The following TANGO2 variants were observed in gnomAD, a reference collection of about 807,000 sequenced individuals.
TANGO2 encodes the protein transport and golgi organization 2 homolog, also known as transport and Golgi organization protein 2 homolog.
Under a neutral mutation model 39.1 loss-of-function variants are expected in TANGO2, and 26 were observed. The ratio of observed to expected loss-of-function variants is 0.67; its 90% CI spans 0.49 to 0.92. The LOEUF is 0.92. TANGO2 is among the 40% of genes least tolerant of loss of function. TANGO2 has a pLI of 0.00. For missense variants in TANGO2, 326 were observed against 360.1 expected, an observed-to-expected ratio of 0.91 and a Z score of 0.77; for synonymous variants, 131 against 144.5, an observed-to-expected ratio of 0.91 and a Z score of 0.67.
At chr22:20,034,209 A>AACAAC (rs371787702) in intron 1 of TANGO2, among the ~76,000 whole-genome samples, 7 of 149,922 alleles carry the variant, frequency 4.7e-5, no homozygotes, top group South Asian at 2.1e-4. Context: ...ACAACAACAA[A>AACAAC]AAAAAACCGA....
chr22:20,057,003 G>A lies in TANGO2; in HGVS notation c.451+990G>A, dbSNP rs1308648887. On this transcript the variant is annotated intron_variant, in intron 6 of 8. Transcript: ENST00000327374. The surrounding 1 kb of genome is among the most constrained non-coding windows in gnomAD (Gnocchi z 4.1). ...TGTGAGGGGGCTCCCTCACACCCCT[G>A]GCTCCTCTGAAGCTCCATGCCCACG... The A allele has an allele frequency of 2.2e-6, 1 of 453,686 alleles. No homozygotes were observed. 28.1% of individuals were successfully genotyped at this position (453,686 alleles called of 1,614,324 possible).
chr22:20,040,225 C>G (rs1328204117), intron 2 of TANGO2, among the ~76,000 whole-genome samples: 1 of 152,220 alleles, frequency 6.6e-6, no homozygotes, highest in Admixed American at 6.5e-5. Flanking sequence ...CAAAAATAAC[C>G]TGGCAATTAA....
chr22:20,037,788 G>T (rs9617858), intron 2 of TANGO2, among the ~76,000 whole-genome samples: 6,739 of 152,256 alleles, frequency 0.044, 495 homozygotes, highest in African/African-American at 0.15. Flanking sequence ...GCTAGTGAGT[G>T]AACAGAACTC....
At chr22:20,023,440 G>A (rs760022314) in intron 1 of TANGO2, among the ~76,000 whole-genome samples, 14 of 152,210 alleles carry the variant, frequency 9.2e-5, no homozygotes, top group East Asian at 1.9e-4. Context: ...GTCTGCTCAC[G>A]ATGCCTCTTG....
At chr22:20,063,716 C>T in intron 8 of TANGO2, 1 of 395,436 alleles carries the variant, frequency 2.5e-6, no homozygotes, top group Admixed American at 4.3e-5. Context: ...TCCCTGCGGG[C>T]AAACGCCCCG....
intron 3 of TANGO2, among the ~76,000 whole-genome samples, chr22:20,052,030 G>A (rs780001321): frequency 2.6e-5 from 4 of 152,178 alleles, no homozygotes; most frequent in Non-Finnish European, 5.9e-5. Context: ...GGGGGTGAAG[G>A]TCCTGGTTGT....
intron 7 of TANGO2, chr22:20,063,027 C>G (rs1475408276): frequency 3.1e-6 from 1 of 321,212 alleles, no homozygotes; most frequent in African/African-American, 2.1e-5. Flanking sequence ...AGCCCCGATG[C>G]TAGCTACAAT....
chr22:20,039,264 A>G (rs146556587), intron 2 of TANGO2, among the ~76,000 whole-genome samples: 127 of 151,978 alleles, frequency 8.4e-4, no homozygotes, highest in African/African-American at 2.9e-3. Context: ...TTTGATACCC[A>G]TCACGGAAAA....
chr22:20,038,159 G>A (rs898144337), intron 2 of TANGO2, among the ~76,000 whole-genome samples: 13 of 152,308 alleles, frequency 8.5e-5, no homozygotes, highest in Admixed American at 7.2e-4. Flanking sequence ...ACTCAGATAC[G>A]CACAGGGGAA....
chr22:20,045,798 C>T (rs2045064620), intron 3 of TANGO2, among the ~76,000 whole-genome samples: 1 of 152,092 alleles, frequency 6.6e-6, no homozygotes, highest in South Asian at 2.1e-4. Flanking sequence ...CCATTGCACC[C>T]AGCGGCCATT....
intron 1 of TANGO2, among the ~76,000 whole-genome samples, chr22:20,034,209 A>AAC (rs371787702): frequency 0.39 from 58,089 of 149,956 alleles, 11,434 homozygotes; most frequent in African/African-American, 0.49. Context: ...ACAACAACAA[A>AAC]AAAAAACCGA....
At chr22:20,051,353 G>C (rs2046317820) in intron 3 of TANGO2, among the ~76,000 whole-genome samples, 1 of 150,716 alleles carries the variant, frequency 6.6e-6, no homozygotes, top group Non-Finnish European at 1.5e-5. Context: ...CCAACATGGA[G>C]AAACTCCGTT....
chr22:20,036,095 T>C (rs2042800134), intron 1 of TANGO2, among the ~76,000 whole-genome samples: 1 of 152,046 alleles, frequency 6.6e-6, no homozygotes. Flanking sequence ...GTTAAATACT[T>C]AAAAAGTCCC....
At chr22:20,042,445 A>G (rs376820498) in intron 2 of TANGO2, among the ~76,000 whole-genome samples, 1 of 152,284 alleles carries the variant, frequency 6.6e-6, no homozygotes, top group African/African-American at 2.4e-5. Context: ...TAAAGTTTAG[A>G]TGTCTCTCCT....
upstream of TANGO2, chr22:20,017,246 G>A (rs1305579358): frequency 6.6e-6 from 1 of 152,296 alleles, no homozygotes; most frequent in East Asian, 1.9e-4. Context: ...GCTCCCTCCT[G>A]TCGACATCGA....
At chr22:20,056,932 G>T (rs752388448) in intron 6 of TANGO2, 2 of 456,590 alleles carry the variant, frequency 4.4e-6, no homozygotes, top group Non-Finnish European at 8.8e-6. Flanking sequence ...GGGTGTTCCG[G>T]CGCCTGGGGA....
Position 20,064,569 on chromosome 22 carries a change from G to A in TANGO2, c.738G>A (p.Ala246=), listed in dbSNP as rs142558529. The change falls in exon 9 of 9, where the codon GCG becomes GCA. Residue 246 remains alanine, a synonymous_variant. Transcript: ENST00000327374. ...CCAACACTATCATCCTGGTAGATGC[G>A]GACGGCCACGTGACCTTCACTGAGC... The part of the protein sequence containing the change: ...TRTNTIILVD[A]DGHVTFTERS... The A allele has an allele frequency of 2.8e-4, 447 of 1,614,136 alleles. 3 individuals are homozygous for A. The highest frequency in any genetic ancestry group is 3.5e-4 in the Non-Finnish European group (414 of 1,180,012).
rs911119944 is a variant in TANGO2 at position 20,021,137 on chromosome 22, G to C, written c.-149G>C. The C allele has an allele frequency of 1.3e-5, 2 of 153,840 alleles. No individual in the cohort carries two copies. The highest frequency in any genetic ancestry group is 2.9e-5 in the Non-Finnish European group (2 of 69,314). 9.5% of individuals were successfully genotyped at this position (153,840 alleles called of 1,614,324 possible). Reference sequence around the variant, plus strand: ...AGTCGGCGGCGGTGGCGGAGGCGGTGAGTGCGCGGCTCCGGGGCTGGCCGA... The same window carrying C: ...AGTCGGCGGCGGTGGCGGAGGCGGTCAGTGCGCGGCTCCGGGGCTGGCCGA... On this transcript the variant is annotated 5_prime_UTR_variant, in exon 1 of 9. Coordinates refer to ENST00000327374, the MANE Select transcript of TANGO2 (RefSeq NM_152906.7).
In TANGO2 at chr22:20,064,828, G is replaced by GCCCA; in HGVS notation, c.*167_*170dup. 3 of 857,726 alleles carry GCCCA rather than the reference G, an allele frequency of 3.5e-6. No homozygotes were observed. Among genetic ancestry groups the GCCCA allele is most frequent in the Non-Finnish European group, 5.2e-6 (3 of 572,700 alleles). 53.1% of individuals were successfully genotyped at this position (857,726 alleles called of 1,614,324 possible). A position where few individuals can be genotyped will look rare whatever the true frequency, so the allele number is the denominator to read the frequency against. On this transcript the variant is annotated 3_prime_UTR_variant, in exon 9 of 9. Coordinates refer to ENST00000327374, the MANE Select transcript of TANGO2 (RefSeq NM_152906.7). ...GCGTGTTACCCATCTGTGTCCCCAT[G>GCCCA]CCCAGTTCAGGGTCTGCCTTTATGC...
Sources: gnomAD v4.1 joint callset for allele counts (sites outside exome capture counted in the v4.1 genomes callset) on GRCh38, gnomAD v4.1.1 for gene constraint, Gnocchi (gnomAD v3.1) non-coding constraint, MANE v1.5 for transcripts, NCBI Gene and HGNC (gene_info 2026-07-23, HGNC 2026-07-21) for gene names.